The following MCF2L2 variants were observed in gnomAD, a reference collection of about 807,000 sequenced individuals.
The protein encoded by MCF2L2 is MCF.2 cell line derived transforming sequence-like 2, also known as probable guanine nucleotide exchange factor MCF2L2.
MCF2L2 carries 102 observed loss-of-function variants against 150.2 expected under a neutral mutation model. The observed-to-expected ratio is 0.68, with a 90% CI of 0.58 to 0.80. The LOEUF (loss-of-function observed/expected upper bound fraction) is 0.80, where lower values mean the gene tolerates loss of function less well. Among genes scored for constraint, MCF2L2 ranks in the 30% least tolerant of loss-of-function variants. The pLI is 0.00. For missense variants in MCF2L2, 1,256 were observed against 1,372.8 expected, an observed-to-expected ratio of 0.91 and a Z score of 1.34; for synonymous variants, 465 against 491.3, an observed-to-expected ratio of 0.95 and a Z score of 0.71.
chr3:183,356,288 G>A (rs945013410), intron 3 of MCF2L2, among the ~76,000 whole-genome samples: 1 of 151,980 alleles, frequency 6.6e-6, no homozygotes, highest in African/African-American at 2.4e-5. Flanking sequence ...GCCAAGGCAG[G>A]CTGATCACGA....
intron 15 of MCF2L2, among the ~76,000 whole-genome samples, chr3:183,238,597 T>C (rs1286673295): frequency 6.7e-6 from 1 of 148,490 alleles, no homozygotes; most frequent in Non-Finnish European, 1.5e-5. Context: ...CTGGCCAGTG[T>C]TAATGTATTT....
At position 183,341,577 on chromosome 3, in the gene MCF2L2, T is replaced by G; in HGVS notation, c.329A>C (p.Lys110Thr). Reference sequence around the variant, plus strand: ...CAAGGATGCCTTTACGGAGCTCCACTTGTCTCTTCGTCTGTCGATAACAAC... The same window carrying G: ...CAAGGATGCCTTTACGGAGCTCCACGTGTCTCTTCGTCTGTCGATAACAAC... ...FIVVIDRRRD[K>T]WSSVKASLTR... is the part of the protein sequence containing the mutation. The change falls in exon 4 of 30, where the codon AAG becomes ACG. Residue 110 changes from lysine (K) to threonine (T), a missense_variant. Lys to Thr is a moderately conservative substitution (Grantham distance 78). Coordinates refer to ENST00000328913, the MANE Select transcript of MCF2L2 (RefSeq NM_015078.4). The G allele has an allele frequency of 6.2e-7, 1 of 1,614,054 alleles. No individual in the cohort carries two copies. Among genetic ancestry groups the G allele is most frequent in the Non-Finnish European group, 8.5e-7 (1 of 1,179,884 alleles).
chr3:183,364,970 C>A (rs150153585), intron 3 of MCF2L2, among the ~76,000 whole-genome samples: 111 of 152,086 alleles, frequency 7.3e-4, no homozygotes, highest in African/African-American at 2.6e-3. Flanking sequence ...TGTTTCAGAG[C>A]TCTAAAAAAT....
At chr3:183,361,698 A>G (rs1056806593) in intron 3 of MCF2L2, among the ~76,000 whole-genome samples, 9 of 152,250 alleles carry the variant, frequency 5.9e-5, no homozygotes, top group African/African-American at 2.2e-4. Context: ...GCAGTGTGAG[A>G]ACGGACAAGT....
intron 3 of MCF2L2, among the ~76,000 whole-genome samples, chr3:183,350,220 G>A (rs1318290214): frequency 6.6e-6 from 1 of 152,122 alleles, no homozygotes; most frequent in Non-Finnish European, 1.5e-5. Context: ...TTCAGAAAGA[G>A]ACAAGGAATC....
intron 15 of MCF2L2, among the ~76,000 whole-genome samples, chr3:183,241,965 G>T (rs951899300): frequency 1.3e-5 from 2 of 152,188 alleles, no homozygotes; most frequent in African/African-American, 4.8e-5. Context: ...GGAGACTCTT[G>T]CTATGTTTTA....
intron 27 of MCF2L2, among the ~76,000 whole-genome samples, chr3:183,192,210 G>A (rs1721921478): frequency 6.6e-6 from 1 of 151,274 alleles, no homozygotes; most frequent in Admixed American, 6.6e-5. Context: ...GCACCATCTC[G>A]CTCACTGCAA....
intron 3 of MCF2L2, chr3:183,375,377 G>A (rs1713135132): frequency 6.6e-6 from 1 of 152,104 alleles, no homozygotes; most frequent in Admixed American, 6.6e-5. Context: ...CTCTCTTACA[G>A]GTCTGGATTG....
At position 183,270,620 on chromosome 3, in the gene MCF2L2, A is replaced by G. The variant is rs1243950974; in HGVS notation, c.1862+6252T>C. On this transcript the variant is annotated intron_variant, in intron 15 of 29. Transcript: ENST00000328913. This position sits in a 1 kb window ranked among gnomAD's most constrained non-coding sequence, Gnocchi z 4.5. ...CCAAAGTCTATGAGGCATCACAGACACTAAATTCAAGTCTTTACATAGACG... is the reference window on the plus strand; with the variant it reads ...CCAAAGTCTATGAGGCATCACAGACGCTAAATTCAAGTCTTTACATAGACG... 3 of 1,614,102 alleles carry G rather than the reference A, an allele frequency of 1.9e-6. No homozygotes were observed. Among genetic ancestry groups the G allele is most frequent in the Non-Finnish European group, 2.5e-6 (3 of 1,180,052 alleles).
chr3:183,325,330 G>A (rs1442992285), intron 5 of MCF2L2, among the ~76,000 whole-genome samples: 2 of 152,106 alleles, frequency 1.3e-5, no homozygotes, highest in Non-Finnish European at 2.9e-5. Flanking sequence ...GACAGACCCT[G>A]TTCTAGAGAG....
At chr3:183,250,661 T>C (rs959371401) in intron 15 of MCF2L2, among the ~76,000 whole-genome samples, 1 of 150,194 alleles carries the variant, frequency 6.7e-6, no homozygotes, top group Non-Finnish European at 1.5e-5. Flanking sequence ...GCAAGGAGCA[T>C]GTGTGCGGAG....
chr3:183,322,593 C>T (rs1170627395), intron 6 of MCF2L2, among the ~76,000 whole-genome samples: 4 of 152,166 alleles, frequency 2.6e-5, no homozygotes, highest in Non-Finnish European at 5.9e-5. Flanking sequence ...AGAAACTCAC[C>T]CAACATCAGA....
chr3:183,328,142 C>G (rs1391793389), intron 5 of MCF2L2, among the ~76,000 whole-genome samples: 1 of 152,200 alleles, frequency 6.6e-6, no homozygotes, highest in Non-Finnish European at 1.5e-5. Flanking sequence ...CACCAAGGTC[C>G]TGGAAGGGTG....
intron 27 of MCF2L2, chr3:183,182,813 T>G (rs1324499974): frequency 6.6e-6 from 1 of 152,286 alleles, no homozygotes; most frequent in Non-Finnish European, 1.5e-5. Context: ...CCTGGTTCTC[T>G]GCGGAGGAAA....
chr3:183,417,113 C>A (rs1206113455), intron 1 of MCF2L2, among the ~76,000 whole-genome samples: 7 of 54,730 alleles, frequency 1.3e-4, no homozygotes, highest in African/African-American at 5.6e-4. Context: ...GAGACTCTGT[C>A]TCAAAAAAAA....
chr3:183,279,048 A>T (rs1184415268), intron 14 of MCF2L2, among the ~76,000 whole-genome samples: 1 of 152,058 alleles, frequency 6.6e-6, no homozygotes, highest in Non-Finnish European at 1.5e-5. Context: ...CAGAGACTGC[A>T]TTCATAAAAG....
intron 3 of MCF2L2, among the ~76,000 whole-genome samples, chr3:183,368,899 T>C (rs887582351): frequency 1.3e-5 from 2 of 152,194 alleles, no homozygotes; most frequent in African/African-American, 4.8e-5. Context: ...ATCATCTCCG[T>C]GAGGATGATA....
chr3:183,230,987 T>C lies in MCF2L2; in HGVS notation c.1893A>G (p.Glu631=). ...TTTTAATCTCTTTTATGTAAATCTC[T>C]TCAGTCTCAAGCAAGTCACGTATAA... The part of the protein sequence containing the change: ...RRIIRDLLET[E]EIYIKEIKSI... Residue 631 remains glutamate (E), a synonymous_variant, in exon 16 of 30, where the codon GAA becomes GAG. Transcript: ENST00000328913. The C allele has an allele frequency of 1.9e-6, 3 of 1,613,970 alleles. No individual in the cohort carries two copies. Among genetic ancestry groups the C allele is most frequent in the Non-Finnish European group, 2.5e-6 (3 of 1,179,924 alleles).
In MCF2L2 at chr3:183,311,697, T is replaced by C. The variant is rs751301915; in HGVS notation, c.829A>G (p.Asn277Asp). The C allele has an allele frequency of 1.4e-5, 23 of 1,614,056 alleles. No homozygotes were observed. The South Asian group carries it at 1.9e-4, about 13-fold the overall frequency. ...AGTTGGTTGAGATTGAGTTTGCTGT[T>C]GGGACATTTGGTTGCTGGTTCTTGG... ...CIQEPATKCP[N>D]SKLNLNQLEN... Residue 277 changes from asparagine (N) to aspartate (D), a missense_variant, in exon 8 of 30, where the codon AAC becomes GAC. Coordinates refer to ENST00000328913, the MANE Select transcript of MCF2L2 (RefSeq NM_015078.4).
Sources: allele counts gnomAD v4.1 joint callset (sites outside exome capture counted in the v4.1 genomes callset), GRCh38; gene constraint gnomAD v4.1.1; non-coding constraint Gnocchi (gnomAD v3.1); transcripts MANE v1.5; gene names NCBI Gene and HGNC (gene_info 2026-07-23, HGNC 2026-07-21).